TLN2: variants seen among roughly 807,000 people sequenced by gnomAD.
TLN2 encodes the protein talin 2.
Under a neutral mutation model 294.7 loss-of-function variants are expected in TLN2, and 118 were observed. The ratio of observed to expected loss-of-function variants is 0.40; its 90% CI spans 0.34 to 0.47. The LOEUF (loss-of-function observed/expected upper bound fraction) is 0.47. Ranked by LOEUF, TLN2 falls within the 20% of genes least tolerant of loss-of-function variation. The pLI is 0.84. For missense variants in TLN2, 3,083 were observed against 3,282.2 expected (o/e 0.94, Z 1.48); for synonymous variants, 1,431 against 1,304.5 (o/e 1.10, Z -2.09).
In TLN2 at chr15:62,702,086, G is replaced by C. The variant is rs767743500; in HGVS notation, c.1791G>C (p.Leu597Phe). The change falls in exon 18 of 59, where the codon TTG becomes TTC. Residue 597 changes from leucine (L) to phenylalanine (F), a missense_variant. Leu to Phe is a conservative substitution (Grantham distance 22, BLOSUM62 0). Coordinates refer to ENST00000636159, the MANE Select transcript of TLN2 (RefSeq NM_015059.3). Reference protein sequence around the residue: ...LTEMSKGVKLLAALMDDEVGS... With the variant: ...LTEMSKGVKLFAALMDDEVGS... ...AGATGTCCAAGGGTGTGAAGCTATTGGCCGCCCTCATGGATGATGAGGTGG... is the reference window on the plus strand; with the variant it reads ...AGATGTCCAAGGGTGTGAAGCTATTCGCCGCCCTCATGGATGATGAGGTGG... 6.2e-7 allele frequency: 1 copy of C among 1,614,188 alleles called. No homozygotes were observed. The highest frequency in any genetic ancestry group is 1.7e-5 in the Admixed American group (1 of 60,024).
At chr15:62,714,385 G>A (rs2059635475) in intron 22 of TLN2, among the ~76,000 whole-genome samples, 1 of 151,680 alleles carries the variant, frequency 6.6e-6, no homozygotes, top group Non-Finnish European at 1.5e-5. Context: ...TGTATTTTTA[G>A]TAGAGACAGG....
chr15:62,785,840 A>AT (rs768452636), intron 45 of TLN2, among the ~76,000 whole-genome samples: 101 of 150,426 alleles, frequency 6.7e-4, no homozygotes, highest in African/African-American at 1.9e-3. Context: ...AAACAAGCAG[A>AT]TTTTTTTTTT....
intron 45 of TLN2, chr15:62,784,738 TTAAAAGA>T (rs1188703074): frequency 1.3e-5 from 2 of 152,220 alleles, no homozygotes; most frequent in African/African-American, 2.4e-5. Context: ...ACAGGGACAC[TTAAAAGA>T]TAAAAGTAAT....
intron 1 of TLN2, among the ~76,000 whole-genome samples, chr15:62,516,623 G>A (rs948664171): frequency 2.0e-5 from 3 of 152,190 alleles, no homozygotes; most frequent in African/African-American, 7.2e-5. Flanking sequence ...TCCGCCTCTT[G>A]TCTCTTTTCT....
At chr15:62,797,801 C>G (rs945044124) in intron 48 of TLN2, among the ~76,000 whole-genome samples, 1 of 152,164 alleles carries the variant, frequency 6.6e-6, no homozygotes, top group Non-Finnish European at 1.5e-5. Flanking sequence ...CGGAGCCACA[C>G]ACAGGTAGAA....
Position 62,762,282 on chromosome 15 carries a change from C to T in TLN2, c.4790C>T (p.Ala1597Val). The T allele has an allele frequency of 6.2e-7, 1 of 1,614,148 alleles. No homozygotes were observed. The highest frequency in any genetic ancestry group is 1.3e-5 in the African/African-American group (1 of 75,036). The change falls in exon 39 of 59, where the codon GCA (alanine) becomes GTA (valine). Residue 1597 changes from alanine (A) to valine (V), a missense_variant. By Grantham distance (64) the Ala-to-Val change is moderately conservative (BLOSUM62 0). Coordinates refer to ENST00000636159, the MANE Select transcript of TLN2 (RefSeq NM_015059.3). ...GCTGTTTGGTCTCAGGGTTCCCAGG[C>T]ACAGGAACCAATCCTGGTCTCAGCC... is the stretch of plus-strand genomic sequence containing the variant. ...PAQISSEGSQ[A>V]QEPILVSAKT...
chr15:62,524,131 C>T (rs962211144), intron 1 of TLN2, among the ~76,000 whole-genome samples: 1 of 152,200 alleles, frequency 6.6e-6, no homozygotes, highest in African/African-American at 2.4e-5. Flanking sequence ...AGGAGGAGAG[C>T]CCTGAAAACC....
chr15:62,653,868 C>G (rs1218410789), intron 7 of TLN2, among the ~76,000 whole-genome samples: 1 of 151,816 alleles, frequency 6.6e-6, no homozygotes, highest in East Asian at 1.9e-4. Context: ...ATAGTGTGAA[C>G]TGGGATCCAA....
At chr15:62,709,935 A>G (rs898043276) in intron 21 of TLN2, among the ~76,000 whole-genome samples, 2 of 151,924 alleles carry the variant, frequency 1.3e-5, no homozygotes, top group Admixed American at 6.6e-5. Context: ...GGGCTTCACC[A>G]TGTTGGCCAG....
intron 3 of TLN2, among the ~76,000 whole-genome samples, chr15:62,623,298 AGGGAACTATT>A (rs2048993398): frequency 6.6e-6 from 1 of 152,238 alleles, no homozygotes; most frequent in Non-Finnish European, 1.5e-5. Context: ...CTAAGCATGA[AGGGAACTATT>A]GGTTTGACAA....
Position 62,621,361 on chromosome 15 carries a change from A to G in TLN2, c.-37+2886A>G, listed in dbSNP as rs992098149. Among the ~76,000 whole-genome samples, 8 of 152,202 alleles carry G rather than the reference A, an allele frequency of 5.3e-5. No homozygotes were observed. In the South Asian group the frequency reaches 1.0e-3, roughly 20 times the overall value. ...GGGGCACAATATGCTAGTTCACACT[A>G]TTAGGGTGAATAGAAGGTAAAGTCG... On this transcript the variant is annotated intron_variant, in intron 3 of 58. Coordinates refer to ENST00000636159, the MANE Select transcript of TLN2 (RefSeq NM_015059.3).
At chr15:62,441,486 A>G (rs758973680) in intron 1 of TLN2, among the ~76,000 whole-genome samples, 3 of 152,188 alleles carry the variant, frequency 2.0e-5, no homozygotes, top group Admixed American at 6.5e-5. Flanking sequence ...AGAAACCAAG[A>G]TATTATTTCC....
chr15:62,806,199 A>G (rs1484210500), intron 51 of TLN2, among the ~76,000 whole-genome samples: 1 of 152,130 alleles, frequency 6.6e-6, no homozygotes, highest in Non-Finnish European at 1.5e-5. Context: ...TCCGTTTAAA[A>G]AAAAAAATGC....
At chr15:62,575,038 C>T (rs561444802) in intron 1 of TLN2, among the ~76,000 whole-genome samples, 23 of 152,122 alleles carry the variant, frequency 1.5e-4, no homozygotes, top group Admixed American at 2.6e-4. Context: ...CAGGGCTGGG[C>T]GCAGTGGCTC....
chr15:62,844,467 C>T lies in TLN2; in HGVS notation c.*3857C>T, dbSNP rs190474168. 7 of 152,274 alleles carry T rather than the reference C, an allele frequency of 4.6e-5. No homozygotes were observed. The highest frequency in any genetic ancestry group is 3.9e-4 in the East Asian group (2 of 5,164). 9.4% of individuals were successfully genotyped at this position (152,274 alleles called of 1,614,324 possible). ...CTGCATCTCTTCATCCCACAAAACA[C>T]GAGGCTGGGTCTCATTCAGCGGCCT... On this transcript the variant is annotated 3_prime_UTR_variant, in exon 59 of 59. Transcript: ENST00000636159.
At chr15:62,761,966 T>TCATTGTGTTTCAC in intron 38 of TLN2, 145 bp downstream of exon 38, 1 of 1,119,954 alleles carries the variant, frequency 8.9e-7, no homozygotes, top group Non-Finnish European at 1.3e-6. Flanking sequence ...ATGTGCACAG[T>TCATTGTGTTTCAC]TAGTGAAACA....
At chr15:62,561,962 C>T (rs1013258612) in intron 1 of TLN2, among the ~76,000 whole-genome samples, 4 of 152,100 alleles carry the variant, frequency 2.6e-5, no homozygotes, top group Admixed American at 6.6e-5. Flanking sequence ...GAGCACCCTG[C>T]GTTCACGTTT....
At chr15:62,697,405 G>A (rs1382814266) in intron 14 of TLN2, among the ~76,000 whole-genome samples, 1 of 152,126 alleles carries the variant, frequency 6.6e-6, no homozygotes, top group Non-Finnish European at 1.5e-5. Flanking sequence ...TACTGCACCC[G>A]GCCTTGTTTT....
chr15:62,576,174 C>T (rs191697005), intron 1 of TLN2, among the ~76,000 whole-genome samples: 13 of 151,762 alleles, frequency 8.6e-5, no homozygotes, highest in South Asian at 4.2e-4. Context: ...AATTCAAAAA[C>T]GAAGTCTGAG....
Sources: allele counts gnomAD v4.1 joint callset (sites outside exome capture counted in the v4.1 genomes callset), GRCh38; gene constraint gnomAD v4.1.1; transcripts MANE v1.5; gene names NCBI Gene and HGNC (gene_info 2026-07-23, HGNC 2026-07-21).